Variants in EPYC observed in about 807,000 individuals in gnomAD.
The protein encoded by EPYC is dermatan sulfate proteoglycan 3.
EPYC carries 28 observed loss-of-function variants against 30.1 expected under a neutral mutation model. The observed-to-expected ratio is 0.93, with a 90% CI of 0.69 to 1.28. EPYC has a LOEUF of 1.28. Ranked by LOEUF, EPYC falls within the 50% of genes most tolerant of loss-of-function variation. The pLI is 0.00. For synonymous variants in EPYC, 144 were observed against 141.4 expected (o/e 1.02, Z -0.13); for missense variants, 382 against 383.5 (o/e 1.00, Z 0.03).
intron 2 of EPYC, among the ~76,000 whole-genome samples, chr12:90,989,815 A>T (rs895826897): frequency 6.6e-6 from 1 of 152,046 alleles, no homozygotes; most frequent in African/African-American, 2.4e-5. Flanking sequence ...AGTTTATTCA[A>T]GACTCCATTC....
chr12:90,971,491 G>A (rs1046987167), intron 5 of EPYC, among the ~76,000 whole-genome samples: 5 of 151,788 alleles, frequency 3.3e-5, no homozygotes, highest in African/African-American at 9.7e-5. Flanking sequence ...GAAATATGGC[G>A]AAACCATGTC....
intron 6 of EPYC, among the ~76,000 whole-genome samples, chr12:90,968,734 A>G (rs1347687860): frequency 6.6e-6 from 1 of 152,126 alleles, no homozygotes; most frequent in Non-Finnish European, 1.5e-5. Context: ...TTATTGGTAG[A>G]ATCAATATCA....
chr12:90,971,202 A>T (rs1438330807), intron 5 of EPYC, among the ~76,000 whole-genome samples: 1 of 152,072 alleles, frequency 6.6e-6, no homozygotes, highest in Non-Finnish European at 1.5e-5. Context: ...GCTCCTGTAG[A>T]TGGTGCTTCT....
chr12:91,003,940 T>C (rs1877891426), intron 1 of EPYC, among the ~76,000 whole-genome samples: 2 of 152,076 alleles, frequency 1.3e-5, no homozygotes, highest in Non-Finnish European at 2.9e-5. Flanking sequence ...AGCTCCTTCT[T>C]AGCTCTCCTA....
At chr12:90,989,144 A>G (rs183591825) in intron 2 of EPYC, among the ~76,000 whole-genome samples, 53 of 152,174 alleles carry the variant, frequency 3.5e-4, no homozygotes, top group African/African-American at 1.1e-3. Flanking sequence ...ATACTTGTCA[A>G]TTTTAAGGGA....
At chr12:90,984,746 C>A (rs1304336073) in intron 2 of EPYC, among the ~76,000 whole-genome samples, 1 of 152,204 alleles carries the variant, frequency 6.6e-6, no homozygotes, top group South Asian at 2.1e-4. Flanking sequence ...TATTAATAAG[C>A]CTCCTCTAAT....
chr12:90,992,655 A>C (rs1188024476), intron 2 of EPYC, among the ~76,000 whole-genome samples: 1 of 152,200 alleles, frequency 6.6e-6, no homozygotes, highest in East Asian at 1.9e-4. Context: ...CCACCATTGC[A>C]TATTTACAAA....
rs766109554 is a variant in EPYC, at chr12:91,002,548, T to C, written c.18A>G (p.Gly6=). 5.6e-6 allele frequency: 9 copies of C among 1,611,348 alleles called. No homozygotes were observed. The East Asian group carries it at 2.0e-4, about 36-fold the overall frequency. ...CAAAGATGACAAGTCCCAGAACAAG[T>C]CCTGCTAATGTCTTCATTTTTCAAG... The part of the protein sequence containing the change: MKTLA[G]LVLGLVIFDA... Residue 6 remains glycine (G), a synonymous_variant, in exon 2 of 7, where the codon GGA becomes GGG. Coordinates refer to ENST00000261172, the MANE Select transcript of EPYC (RefSeq NM_004950.5).
chr12:90,986,118 T>G (rs1351424280), intron 2 of EPYC, among the ~76,000 whole-genome samples: 1 of 152,066 alleles, frequency 6.6e-6, no homozygotes, highest in Non-Finnish European at 1.5e-5. Flanking sequence ...ATTATCTATA[T>G]GAATATGGGG....
intron 2 of EPYC, among the ~76,000 whole-genome samples, chr12:90,983,384 C>A (rs900399605): frequency 1.1e-4 from 16 of 152,110 alleles, no homozygotes; most frequent in African/African-American, 3.6e-4. Flanking sequence ...GGCTAAACAC[C>A]GGGCACCTGT....
chr12:90,970,118 G>T lies in EPYC; in HGVS notation c.724C>A (p.Leu242Met). The change falls in exon 6 of 7, where the codon CTG becomes ATG. Residue 242 changes from leucine (L) to methionine (M), a missense_variant. Coordinates refer to ENST00000261172, the MANE Select transcript of EPYC (RefSeq NM_004950.5). ...TCCAAGTTGTTATCAGTGAGGTACA[G>T]ATGATGGAGATCATACATGTCCTGT... ...AFKDMYDLHH[L>M]YLTDNNLDHI... 4 of 1,613,472 alleles carry T rather than the reference G, an allele frequency of 2.5e-6. No individual in the cohort carries two copies. The South Asian group carries it at 3.3e-5, about 13-fold the overall frequency.
chr12:90,983,644 C>G (rs543350329), intron 2 of EPYC, among the ~76,000 whole-genome samples: 5 of 152,052 alleles, frequency 3.3e-5, no homozygotes, highest in Admixed American at 6.6e-5. Context: ...AAAGTCACAT[C>G]GCCCAAGTGA....
At chr12:90,972,655 C>T in intron 4 of EPYC, 167 bp downstream of exon 4, 1 of 593,084 alleles carries the variant, frequency 1.7e-6, no homozygotes, top group South Asian at 2.9e-5. Context: ...TGTTGTTTTT[C>T]TTATAATTGT....
intron 2 of EPYC, among the ~76,000 whole-genome samples, chr12:90,998,396 A>G (rs1476535333): frequency 6.6e-6 from 1 of 152,134 alleles, no homozygotes; most frequent in Non-Finnish European, 1.5e-5. Flanking sequence ...TGCTTCTAAT[A>G]TAGAAAACAA....
intron 2 of EPYC, among the ~76,000 whole-genome samples, chr12:90,989,392 T>C (rs544690455): frequency 6.6e-6 from 1 of 152,120 alleles, no homozygotes; most frequent in Non-Finnish European, 1.5e-5. Flanking sequence ...CAAAGTTATG[T>C]AATGAATGAA....
intron 2 of EPYC, among the ~76,000 whole-genome samples, chr12:91,000,639 T>C (rs1343775605): frequency 6.6e-6 from 1 of 152,050 alleles, no homozygotes; most frequent in Non-Finnish European, 1.5e-5. Context: ...AATAGCACCC[T>C]TGAAACCATT....
chr12:90,995,114 G>A (rs975566201), intron 2 of EPYC, among the ~76,000 whole-genome samples: 11 of 151,978 alleles, frequency 7.2e-5, no homozygotes, highest in South Asian at 6.2e-4. Flanking sequence ...ATTTGTTTCC[G>A]TGATCTACAT....
chr12:90,987,226 G>C (rs1438216102), intron 2 of EPYC, among the ~76,000 whole-genome samples: 1 of 151,874 alleles, frequency 6.6e-6, no homozygotes, highest in Non-Finnish European at 1.5e-5. Flanking sequence ...TAACATCTCT[G>C]ACCAGAAACA....
intron 3 of EPYC, among the ~76,000 whole-genome samples, chr12:90,977,559 C>A (rs1329561508): frequency 6.6e-6 from 1 of 152,078 alleles, no homozygotes; most frequent in Non-Finnish European, 1.5e-5. Context: ...AAGTTACTAT[C>A]CCCTTTGAAT....
Sources: gnomAD v4.1 joint callset for allele counts (sites outside exome capture counted in the v4.1 genomes callset) on GRCh38, gnomAD v4.1.1 for gene constraint, MANE v1.5 for transcripts, NCBI Gene and HGNC (gene_info 2026-07-23, HGNC 2026-07-21) for gene names.